The following FHIT variants were observed in gnomAD, a reference collection of about 807,000 sequenced individuals.
FHIT encodes the protein fragile histidine triad diadenosine triphosphatase.
Under a neutral mutation model 17.9 loss-of-function variants are expected in FHIT, and 19 were observed. That is an observed-to-expected ratio of 1.06 (90% CI 0.74 to 1.56). The LOEUF is 1.56. FHIT is among the 40% of genes most tolerant of loss of function. FHIT has a pLI of 0.00. For missense variants in FHIT, 248 were observed against 189.2 expected, an observed-to-expected ratio of 1.31 and a Z score of -1.82; for synonymous variants, 81 against 69.7, an observed-to-expected ratio of 1.16 and a Z score of -0.81.
intron 5 of FHIT, among the ~76,000 whole-genome samples, chr3:60,524,013 T>G (rs1292069095): frequency 6.6e-6 from 1 of 152,182 alleles, no homozygotes; most frequent in African/African-American, 2.4e-5. Context: ...TTGTCCTCTT[T>G]TATCTTTAGA....
chr3:60,283,593 A>G (rs923920242), intron 5 of FHIT, among the ~76,000 whole-genome samples: 1 of 152,118 alleles, frequency 6.6e-6, no homozygotes, highest in South Asian at 2.1e-4. Flanking sequence ...TGTAAGAAGC[A>G]GCCTAGATTT....
chr3:60,052,751 A>G (rs1252378836), intron 5 of FHIT, among the ~76,000 whole-genome samples: 2 of 148,468 alleles, frequency 1.3e-5, no homozygotes, highest in Admixed American at 1.4e-4. Context: ...TAAAATATAT[A>G]TACATAGTGT....
intron 1 of FHIT, among the ~76,000 whole-genome samples, chr3:61,202,178 C>A (rs2039041143): frequency 6.6e-6 from 1 of 152,050 alleles, no homozygotes; most frequent in African/African-American, 2.4e-5. Flanking sequence ...CAGCCGCCAA[C>A]CATCTGGGAA....
At chr3:60,931,195 C>T (rs559177551) in intron 3 of FHIT, among the ~76,000 whole-genome samples, 16 of 148,948 alleles carry the variant, frequency 1.1e-4, no homozygotes, top group Admixed American at 4.7e-4. Flanking sequence ...AGGGGAACAT[C>T]AAACACCGGG....
intron 4 of FHIT, among the ~76,000 whole-genome samples, chr3:60,769,881 T>G (rs1553722596): frequency 6.6e-6 from 1 of 152,248 alleles, no homozygotes; most frequent in African/African-American, 2.4e-5. Context: ...AGGCCATATT[T>G]AGTTTGCTTT....
At chr3:60,714,470 A>G (rs1219263261) in intron 4 of FHIT, among the ~76,000 whole-genome samples, 7 of 152,198 alleles carry the variant, frequency 4.6e-5, no homozygotes, top group Non-Finnish European at 1.0e-4. Flanking sequence ...AGGGTATTCA[A>G]TTAGGAAAAG....
At chr3:60,438,094 A>G (rs2030436735) in intron 5 of FHIT, among the ~76,000 whole-genome samples, 1 of 152,058 alleles carries the variant, frequency 6.6e-6, no homozygotes, top group African/African-American at 2.4e-5. Flanking sequence ...GGATATGGCA[A>G]CTGTGGCAAC....
intron 3 of FHIT, among the ~76,000 whole-genome samples, chr3:60,925,648 T>C (rs1300526903): frequency 1.3e-5 from 2 of 152,118 alleles, no homozygotes; most frequent in African/African-American, 2.4e-5. Flanking sequence ...AGAAACTGCA[T>C]CAACTAATGA....
At chr3:60,647,862 C>G (rs1029986036) in intron 4 of FHIT, among the ~76,000 whole-genome samples, 1 of 152,202 alleles carries the variant, frequency 6.6e-6, no homozygotes, top group African/African-American at 2.4e-5. Flanking sequence ...GATGAATTGT[C>G]ATACACCAAG....
intron 8 of FHIT, among the ~76,000 whole-genome samples, chr3:59,898,037 G>C (rs1295708108): frequency 6.6e-6 from 1 of 152,064 alleles, no homozygotes; most frequent in African/African-American, 2.4e-5. Context: ...AAAGTGCTGG[G>C]ATTACAGGCA....
intron 5 of FHIT, among the ~76,000 whole-genome samples, chr3:60,165,645 A>G (rs1576235161): frequency 6.6e-6 from 1 of 152,154 alleles, no homozygotes; most frequent in Non-Finnish European, 1.5e-5. Context: ...AAAGATACCT[A>G]TCTTTGCTCA....
At chr3:60,783,796 C>T (rs1553726236) in intron 4 of FHIT, among the ~76,000 whole-genome samples, 2 of 152,102 alleles carry the variant, frequency 1.3e-5, no homozygotes, top group African/African-American at 4.8e-5. Context: ...TTTAACAGAA[C>T]CCACAGGGGA....
intron 5 of FHIT, among the ~76,000 whole-genome samples, chr3:60,111,327 G>A (rs1704660340): frequency 6.6e-6 from 1 of 152,148 alleles, no homozygotes; most frequent in African/African-American, 2.4e-5. Flanking sequence ...TAAAAACAAA[G>A]TGTAAAGTTA....
chr3:60,163,082 A>C (rs1342166973), intron 5 of FHIT, among the ~76,000 whole-genome samples: 12 of 152,196 alleles, frequency 7.9e-5, no homozygotes, highest in Admixed American at 4.6e-4. Flanking sequence ...GACTGAAGAC[A>C]TGAGGGGAAG....
At chr3:60,473,152 T>C (rs975618719) in intron 5 of FHIT, among the ~76,000 whole-genome samples, 1 of 152,234 alleles carries the variant, frequency 6.6e-6, no homozygotes, top group Non-Finnish European at 1.5e-5. Context: ...CAAATAGGTA[T>C]ATGCACTTGA....
At chr3:60,985,554 C>G (rs940620063) in intron 3 of FHIT, among the ~76,000 whole-genome samples, 1 of 152,140 alleles carries the variant, frequency 6.6e-6, no homozygotes, top group Admixed American at 6.5e-5. Flanking sequence ...GAACATTATA[C>G]TCTATCTCAT....
chr3:60,147,250 T>A (rs1428202266), intron 5 of FHIT, among the ~76,000 whole-genome samples: 1 of 152,164 alleles, frequency 6.6e-6, no homozygotes, highest in Non-Finnish European at 1.5e-5. Context: ...AAAGGATGCT[T>A]TGAACTCTCT....
intron 5 of FHIT, among the ~76,000 whole-genome samples, chr3:60,515,799 C>T (rs71313778): frequency 0.15 from 23,243 of 152,108 alleles, 2,262 homozygotes; most frequent in African/African-American, 0.25. Context: ...ATACTATTAC[C>T]GCCCATTTGA....
At chr3:60,128,743 T>C (rs1013066160) in intron 5 of FHIT, among the ~76,000 whole-genome samples, 1 of 152,142 alleles carries the variant, frequency 6.6e-6, no homozygotes, top group African/African-American at 2.4e-5. Context: ...GTGATTTGGA[T>C]TGGACATAGA....
Sources: gnomAD v4.1 joint callset for allele counts (sites outside exome capture counted in the v4.1 genomes callset) on GRCh38, gnomAD v4.1.1 for gene constraint, MANE v1.5 for transcripts, NCBI Gene and HGNC (gene_info 2026-07-23, HGNC 2026-07-21) for gene names.